PTPRD: variants seen among roughly 807,000 people sequenced by gnomAD.
PTPRD encodes receptor-type tyrosine-protein phosphatase delta.
A neutral mutation model predicts 214.5 loss-of-function variants in PTPRD; 34 were observed. The observed-to-expected ratio is 0.16, with a 90% CI of 0.12 to 0.21. The LOEUF (loss-of-function observed/expected upper bound fraction) is 0.21, where lower values mean the gene tolerates loss of function less well. Ranked by LOEUF, PTPRD falls within the 10% of genes least tolerant of loss-of-function variation. The probability of loss-of-function intolerance (pLI) is 1.00; values close to 1 mark genes in which losing one functional copy is unlikely to be tolerated. For synonymous variants in PTPRD, 1,128 were observed against 845.7 expected, an observed-to-expected ratio of 1.33 and a Z score of -5.79; for missense variants, 2,545 against 2,398.7, an observed-to-expected ratio of 1.06 and a Z score of -1.27.
intron 11 of PTPRD, among the ~76,000 whole-genome samples, chr9:8,970,834 G>A: frequency 6.6e-6 from 1 of 151,614 alleles, no homozygotes; most frequent in East Asian, 1.9e-4. Flanking sequence ...TGCAATACAG[G>A]TAGCTCATCT....
At chr9:8,626,914 A>T (rs547397426) in intron 14 of PTPRD, among the ~76,000 whole-genome samples, 1 of 151,492 alleles carries the variant, frequency 6.6e-6, no homozygotes. Context: ...CTATATATGT[A>T]TATATTCTGT....
chr9:9,648,196 T>C lies in PTPRD; in HGVS notation c.-286-73415A>G, dbSNP rs149982433. 6.4e-3 allele frequency among the ~76,000 whole-genome samples: 971 copies of C among 152,184 alleles called. 8 individuals carry two copies. The highest frequency in any genetic ancestry group is 0.023 in the African/African-American group (938 of 41,530). On this transcript the variant is annotated intron_variant, in intron 7 of 45. Coordinates refer to ENST00000381196, the MANE Select transcript of PTPRD (RefSeq NM_002839.4). The stretch of plus-strand genomic sequence containing the variant: ...CATTTTATTTTCACTTATTTGAATC[T>C]ATGTATAAATCTTATATAGCCTATT...
At chr9:8,497,993 T>C (rs1012634076) in intron 25 of PTPRD, among the ~76,000 whole-genome samples, 4 of 152,238 alleles carry the variant, frequency 2.6e-5, no homozygotes, top group African/African-American at 9.6e-5. Context: ...TTTAATTTTA[T>C]ACTACGATAA....
chr9:10,112,199 G>C (rs1484130170), intron 3 of PTPRD, among the ~76,000 whole-genome samples: 1 of 152,156 alleles, frequency 6.6e-6, no homozygotes, highest in Admixed American at 6.5e-5. Flanking sequence ...GGCTTAACTT[G>C]CTTTATGCCA....
At chr9:8,779,131 T>C (rs1565991823) in intron 11 of PTPRD, among the ~76,000 whole-genome samples, 2 of 152,128 alleles carry the variant, frequency 1.3e-5, no homozygotes, top group Admixed American at 6.5e-5. Flanking sequence ...TATACCCTGA[T>C]GGAAAGACAG....
chr9:8,914,256 G>A (rs999652252), intron 11 of PTPRD, among the ~76,000 whole-genome samples: 1 of 151,886 alleles, frequency 6.6e-6, no homozygotes, highest in Non-Finnish European at 1.5e-5. Context: ...AAATAAATAA[G>A]GAAGAATGCA....
At chr9:9,616,687 A>G (rs1468718730) in intron 7 of PTPRD, among the ~76,000 whole-genome samples, 1 of 152,174 alleles carries the variant, frequency 6.6e-6, no homozygotes, top group African/African-American at 2.4e-5. Flanking sequence ...GAAAACAGAT[A>G]GAAACTGGAC....
At chr9:10,535,810 G>A (rs2057646645) in intron 2 of PTPRD, among the ~76,000 whole-genome samples, 1 of 152,076 alleles carries the variant, frequency 6.6e-6, no homozygotes. Flanking sequence ...AACTCTCCCT[G>A]TTGTAGGTGA....
At chr9:9,473,764 G>A (rs1048607817) in intron 8 of PTPRD, among the ~76,000 whole-genome samples, 3 of 149,192 alleles carry the variant, frequency 2.0e-5, no homozygotes, top group Non-Finnish European at 3.0e-5. Flanking sequence ...TTGGTCATGT[G>A]TATGGGTTTA....
At chr9:8,812,476 A>G (rs1036583509) in intron 11 of PTPRD, among the ~76,000 whole-genome samples, 6 of 152,186 alleles carry the variant, frequency 3.9e-5, no homozygotes, top group Admixed American at 3.9e-4. Context: ...CTTATTTTTT[A>G]CTCTCAAAGG....
At chr9:9,398,953 C>A (rs1190093699) in intron 8 of PTPRD, among the ~76,000 whole-genome samples, 1 of 151,986 alleles carries the variant, frequency 6.6e-6, no homozygotes, top group Non-Finnish European at 1.5e-5. Flanking sequence ...TCAGACTCTG[C>A]CTATATGAAG....
rs569357894 is a variant in PTPRD, at chr9:8,704,758, C to CAAAAAAAAAA, written c.64+29012_64+29021dup. ...TCTGGCCAAATCTCTACTAAAAATA[C>CAAAAAAAAAA]AAAAAAAAAAAAATTAGCCGGGTGT... On this transcript the variant is annotated intron_variant, in intron 12 of 45. Transcript: ENST00000381196. 8.7e-5 allele frequency among the ~76,000 whole-genome samples: 12 copies of CAAAAAAAAAA among 137,878 alleles called. 1 individual carries two copies. Among genetic ancestry groups the CAAAAAAAAAA allele is most frequent in the East Asian group, 2.2e-4 (1 of 4,610 alleles). The allele number at this position is 137,878 out of a possible 152,430, so 90.5% of individuals were successfully genotyped here. A position where few individuals can be genotyped will look rare whatever the true frequency, so the allele number is the denominator to read the frequency against.
At chr9:10,096,301 A>T (rs2098483588) in intron 3 of PTPRD, among the ~76,000 whole-genome samples, 1 of 151,710 alleles carries the variant, frequency 6.6e-6, no homozygotes, top group Admixed American at 6.6e-5. Context: ...AGAACAACCA[A>T]AGTGGTGTGA....
intron 8 of PTPRD, among the ~76,000 whole-genome samples, chr9:9,527,153 G>C (rs1047030665): frequency 3.9e-5 from 6 of 152,076 alleles, no homozygotes; most frequent in African/African-American, 1.2e-4. Context: ...ACTATTCAAA[G>C]TTTTGAGTTT....
intron 8 of PTPRD, among the ~76,000 whole-genome samples, chr9:9,475,243 T>G (rs1384013191): frequency 6.6e-6 from 1 of 152,094 alleles, no homozygotes; most frequent in African/African-American, 2.4e-5. Context: ...TTATGTAGGG[T>G]TGACTCTCAG....
At chr9:9,681,803 T>C (rs145728517) in intron 7 of PTPRD, among the ~76,000 whole-genome samples, 1 of 151,878 alleles carries the variant, frequency 6.6e-6, no homozygotes, top group African/African-American at 2.4e-5. Flanking sequence ...TAGCTGGTTG[T>C]TGACTTACAA....
intron 25 of PTPRD, among the ~76,000 whole-genome samples, chr9:8,499,153 A>G (rs536039463): frequency 5.3e-5 from 8 of 152,318 alleles, no homozygotes; most frequent in African/African-American, 1.9e-4. Context: ...TTCATCAAAT[A>G]TGTAATTTGA....
chr9:10,537,619 G>C (rs1386054767), intron 2 of PTPRD, among the ~76,000 whole-genome samples: 1 of 151,902 alleles, frequency 6.6e-6, no homozygotes, highest in Non-Finnish European at 1.5e-5. Flanking sequence ...AAAGTTTTGT[G>C]CTTTTCTTTA....
At chr9:8,893,370 G>A (rs940555312) in intron 11 of PTPRD, among the ~76,000 whole-genome samples, 4 of 152,172 alleles carry the variant, frequency 2.6e-5, no homozygotes, top group Non-Finnish European at 4.4e-5. Context: ...AGGGAGAGTA[G>A]AGAAGGGAGC....
Sources: gnomAD v4.1 joint callset for allele counts (sites outside exome capture counted in the v4.1 genomes callset) on GRCh38, gnomAD v4.1.1 for gene constraint, MANE v1.5 for transcripts, NCBI Gene and HGNC (gene_info 2026-07-23, HGNC 2026-07-21) for gene names.